PLEKHA5: variants seen among roughly 807,000 people sequenced by gnomAD.
The protein encoded by PLEKHA5 is pleckstrin homology domain-containing family A member 5.
PLEKHA5 carries 55 observed loss-of-function variants against 181.9 expected under a neutral mutation model. That is an observed-to-expected ratio of 0.30 (90% CI 0.24 to 0.38). The LOEUF (loss-of-function observed/expected upper bound fraction) is 0.38, where lower values mean the gene tolerates loss of function less well. Ranked by LOEUF, PLEKHA5 falls within the 10% of genes least tolerant of loss-of-function variation. PLEKHA5 has a pLI of 1.00. For synonymous variants in PLEKHA5, 535 were observed against 529.4 expected (o/e 1.01, Z -0.15); for missense variants, 1,432 against 1,549.5 (o/e 0.92, Z 1.27).
chr12:19,343,595 G>A (rs897599358), intron 22 of PLEKHA5, among the ~76,000 whole-genome samples, 161 bp downstream of exon 22: 1 of 152,098 alleles, frequency 6.6e-6, no homozygotes, highest in Non-Finnish European at 1.5e-5. Context: ...TACACACCTA[G>A]GCTATGTGGT....
intron 3 of PLEKHA5, among the ~76,000 whole-genome samples, chr12:19,141,454 A>G (rs1230430413): frequency 2.6e-5 from 4 of 152,184 alleles, no homozygotes; most frequent in African/African-American, 7.2e-5. Context: ...CCAGTTCATC[A>G]TTGGAAGTCA....
chr12:19,246,214 G>A (rs1216994428), intron 3 of PLEKHA5, among the ~76,000 whole-genome samples: 1 of 151,598 alleles, frequency 6.6e-6, no homozygotes, highest in East Asian at 2.0e-4. Context: ...TCTTGACCTC[G>A]TGATCCACCC....
chr12:19,306,529 C>G, intron 15 of PLEKHA5: 2 of 740,864 alleles, frequency 2.7e-6, no homozygotes, highest in South Asian at 1.4e-5. Context: ...GGAGGGAGAA[C>G]GCCGCGAGCA....
At chr12:19,311,652 AT>A (rs1330437786) in intron 15 of PLEKHA5, among the ~76,000 whole-genome samples, 3 of 152,294 alleles carry the variant, frequency 2.0e-5, no homozygotes, top group Admixed American at 6.5e-5. Context: ...TTAGTATGAG[AT>A]TGAAGCAATT....
intron 3 of PLEKHA5, among the ~76,000 whole-genome samples, chr12:19,141,395 G>A (rs1331691230): frequency 6.6e-6 from 1 of 152,172 alleles, no homozygotes; most frequent in Non-Finnish European, 1.5e-5. Flanking sequence ...TAGAGCCAAG[G>A]CACTAACATT....
chr12:19,217,611 T>C (rs2058195026), intron 3 of PLEKHA5, among the ~76,000 whole-genome samples: 2 of 152,190 alleles, frequency 1.3e-5, no homozygotes, highest in African/African-American at 4.8e-5. Context: ...AGGAAAATTC[T>C]CCCTGGGTCA....
chr12:19,263,801 A>G (rs1477564274), intron 7 of PLEKHA5, among the ~76,000 whole-genome samples: 1 of 152,134 alleles, frequency 6.6e-6, no homozygotes, highest in Admixed American at 6.5e-5. Flanking sequence ...GCTGTGGCAA[A>G]GTGAAGGAAG....
intron 12 of PLEKHA5, among the ~76,000 whole-genome samples, 170 bp downstream of exon 12, chr12:19,283,915 T>C (rs904440677): frequency 6.6e-6 from 1 of 152,232 alleles, no homozygotes; most frequent in African/African-American, 2.4e-5. Context: ...TAAGATCTCA[T>C]GTATAAAAAA....
At chr12:19,287,451 C>T (rs777154757) in intron 12 of PLEKHA5, 22 bp from the exon 13 acceptor site, 3 of 1,503,494 alleles carry the variant, frequency 2.0e-6, no homozygotes, top group South Asian at 2.4e-5. Flanking sequence ...CACAGAATTA[C>T]ATTGTGCCTT....
intron 3 of PLEKHA5, among the ~76,000 whole-genome samples, chr12:19,228,092 G>A (rs1477291319): frequency 1.3e-5 from 2 of 152,098 alleles, no homozygotes; most frequent in Non-Finnish European, 2.9e-5. Flanking sequence ...CTACTTCATG[G>A]GAAAATCAGC....
At chr12:19,204,592 G>C (rs2054953245) in intron 3 of PLEKHA5, among the ~76,000 whole-genome samples, 1 of 151,992 alleles carries the variant, frequency 6.6e-6, no homozygotes, top group African/African-American at 2.4e-5. Context: ...TGATTTTTGT[G>C]CCATTTTTAT....
chr12:19,130,160 C>G lies in PLEKHA5; in HGVS notation c.169+30C>G. 6.8e-7 allele frequency: 1 copy of G among 1,464,040 alleles called. No homozygotes were observed. The allele number at this position is 1,464,040 out of a possible 1,614,324, so 90.7% of individuals were successfully genotyped here. A position where few individuals can be genotyped will look rare whatever the true frequency, so the allele number is the denominator to read the frequency against. On this transcript the variant is annotated intron_variant, in intron 2 of 31. Transcript: ENST00000429027. This position sits in a 1 kb window ranked among gnomAD's most constrained non-coding sequence, Gnocchi z 4.5. ...CGCCGGGCCCAAACGGAGTTGGGCT[C>G]CGCCTGGAGGAGGCGGCAGAGCCCG...
chr12:19,178,600 A>G (rs2047841634), intron 3 of PLEKHA5, among the ~76,000 whole-genome samples: 1 of 152,232 alleles, frequency 6.6e-6, no homozygotes, highest in South Asian at 2.1e-4. Flanking sequence ...GTAGCTTTTG[A>G]GAACCTGCTT....
At chr12:19,265,938 T>C (rs1592255081) in intron 8 of PLEKHA5, 88 bp downstream of exon 8, 1 of 632,756 alleles carries the variant, frequency 1.6e-6, no homozygotes, top group Admixed American at 2.9e-5. Flanking sequence ...ACAAAAAAGC[T>C]ACCTTATAGT....
chr12:19,157,526 TG>T (rs2042035339), intron 3 of PLEKHA5, among the ~76,000 whole-genome samples: 1 of 152,230 alleles, frequency 6.6e-6, no homozygotes, highest in African/African-American at 2.4e-5. Flanking sequence ...CTATTTTTAC[TG>T]GTTTTAAATT....
At chr12:19,169,082 C>T (rs1326540663) in intron 3 of PLEKHA5, among the ~76,000 whole-genome samples, 1 of 151,996 alleles carries the variant, frequency 6.6e-6, no homozygotes, top group African/African-American at 2.4e-5. Context: ...TCCTAGAAAA[C>T]GTGGCATATT....
chr12:19,167,568 T>TA (rs1448848295), intron 3 of PLEKHA5, among the ~76,000 whole-genome samples: 2 of 152,182 alleles, frequency 1.3e-5, no homozygotes, highest in East Asian at 1.9e-4. Flanking sequence ...CACATTTTTT[T>TA]ATCTCATTTA....
At chr12:19,323,016 A>ATTTT (rs538132540) in intron 20 of PLEKHA5, among the ~76,000 whole-genome samples, 5,533 of 92,600 alleles carry the variant, frequency 0.06, 343 homozygotes, top group Non-Finnish European at 0.065. Flanking sequence ...ACCTGGCTAG[A>ATTTT]TTTTTTTTTT....
rs568351507 is a variant in PLEKHA5 at position 19,306,770 on chromosome 12, C to T, written c.2038-8044C>T. ...AATTCACCTTTGCCAATCGCAATCTCGTTAAATTCCATGATCCAGACTCAG... is the reference window on the plus strand; with the variant it reads ...AATTCACCTTTGCCAATCGCAATCTTGTTAAATTCCATGATCCAGACTCAG... On this transcript the variant is annotated intron_variant, in intron 15 of 31. Transcript: ENST00000429027. 245 of 935,930 alleles carry T rather than the reference C, an allele frequency of 2.6e-4. 5 individuals are homozygous for T. In the South Asian group the frequency reaches 3.1e-3, roughly 12 times the overall value. 58.0% of individuals were successfully genotyped at this position (935,930 alleles called of 1,614,324 possible).
Sources: gnomAD v4.1 joint callset for allele counts (sites outside exome capture counted in the v4.1 genomes callset) on GRCh38, gnomAD v4.1.1 for gene constraint, Gnocchi (gnomAD v3.1) non-coding constraint, MANE v1.5 for transcripts, NCBI Gene and HGNC (gene_info 2026-07-23, HGNC 2026-07-21) for gene names.